ASTN2: variants seen among roughly 807,000 people sequenced by gnomAD.
ASTN2 encodes the protein astrotactin-2.
In ASTN2, 54 loss-of-function variants were observed where a neutral mutation model predicts 139.8. The ratio of observed to expected loss-of-function variants is 0.39; its 90% confidence interval spans 0.31 to 0.48. ASTN2 has a LOEUF of 0.48. Among genes scored for constraint, ASTN2 ranks in the 20% least tolerant of loss-of-function variants. ASTN2 has a pLI of 0.95. For missense variants in ASTN2, 1,565 were observed against 1,725.1 expected (o/e 0.91, Z 1.64); for synonymous variants, 756 against 719.5 (o/e 1.05, Z -0.81).
chr9:117,205,639 G>A (rs1166713978), intron 3 of ASTN2, among the ~76,000 whole-genome samples: 2 of 152,094 alleles, frequency 1.3e-5, no homozygotes, highest in Non-Finnish European at 2.9e-5. Flanking sequence ...AAGGAAAGAT[G>A]GGCCTCAGAG....
chr9:116,847,020 AAAAAAACAAAAAAC>A (rs1195960891), intron 11 of ASTN2, among the ~76,000 whole-genome samples: 1,718 of 134,864 alleles, frequency 0.013, 48 homozygotes, highest in African/African-American at 0.046. Context: ...AAAAAAAAAA[AAAAAAACAAAAAAC>A]AAAAAACAAA....
At chr9:117,186,627 A>G (rs184014766) in intron 3 of ASTN2, among the ~76,000 whole-genome samples, 1 of 152,336 alleles carries the variant, frequency 6.6e-6, no homozygotes, top group African/African-American at 2.4e-5. Context: ...CAATCATTTG[A>G]AATAGAAAGA....
At chr9:117,205,597 C>G (rs1225055201) in intron 3 of ASTN2, among the ~76,000 whole-genome samples, 1 of 152,062 alleles carries the variant, frequency 6.6e-6, no homozygotes, top group African/African-American at 2.4e-5. Context: ...TTAAAAAGCC[C>G]CCCGACTTTT....
intron 19 of ASTN2, among the ~76,000 whole-genome samples, chr9:116,609,339 T>TATAC (rs530916589): frequency 1.1e-4 from 15 of 140,356 alleles, no homozygotes; most frequent in African/African-American, 3.2e-4. Flanking sequence ...TATATATATA[T>TATAC]ACACACACAC....
chr9:116,782,910 G>A (rs1830258089), intron 13 of ASTN2, among the ~76,000 whole-genome samples: 2 of 152,068 alleles, frequency 1.3e-5, no homozygotes, highest in Admixed American at 1.3e-4. Flanking sequence ...ACACTGCACG[G>A]GTCAGTTTAT....
chr9:116,914,748 AGCAGTAATGGCACCTCCTAAG>A (rs1265024065), intron 10 of ASTN2, among the ~76,000 whole-genome samples: 3 of 152,120 alleles, frequency 2.0e-5, no homozygotes, highest in South Asian at 2.1e-4. Flanking sequence ...CAGCTGCCAC[AGCAGTAATGGCACCTCCTAAG>A]GCAGAGCACT....
rs962140935 is a variant in ASTN2 at position 117,372,216 on chromosome 9, C to T, written c.442+42281G>A. Among the ~76,000 whole-genome samples, 4 of 152,188 alleles carry T rather than the reference C, an allele frequency of 2.6e-5. No homozygotes were observed. The East Asian group carries it at 5.8e-4, about 22-fold the overall frequency. On this transcript the variant is annotated intron_variant, in intron 1 of 22. Coordinates refer to ENST00000313400, the MANE Select transcript of ASTN2 (RefSeq NM_001365068.1). ...TCAAAGGGTGATTATGTCCTTGGCACATTAGCCCTGCACCTGCCTCTTCCT... is the reference window on the plus strand; with the variant it reads ...TCAAAGGGTGATTATGTCCTTGGCATATTAGCCCTGCACCTGCCTCTTCCT...
At chr9:116,786,901 G>T (rs1830393440) in intron 13 of ASTN2, among the ~76,000 whole-genome samples, 1 of 152,136 alleles carries the variant, frequency 6.6e-6, no homozygotes, top group South Asian at 2.1e-4. Context: ...CCCCCATCCT[G>T]TTCTCATAAT....
chr9:117,071,386 G>GTGC (rs1828121594), intron 5 of ASTN2, among the ~76,000 whole-genome samples: 1 of 151,428 alleles, frequency 6.6e-6, no homozygotes, highest in East Asian at 1.9e-4. Flanking sequence ...CTCCAGCTGC[G>GTGC]TGCTGGGAGA....
chr9:117,350,661 T>C (rs1222873712), intron 1 of ASTN2, among the ~76,000 whole-genome samples: 2 of 152,224 alleles, frequency 1.3e-5, no homozygotes, highest in East Asian at 3.9e-4. Context: ...GAAAATGTGC[T>C]CAGAGCACTT....
chr9:116,565,413 ATATATATATATATATATT>A (rs1853169922), intron 19 of ASTN2, among the ~76,000 whole-genome samples: 1 of 108,580 alleles, frequency 9.2e-6, no homozygotes, highest in East Asian at 2.7e-4. Context: ...ATATATATAT[ATATATATATATATATATT>A]TATTTATTTA....
chr9:116,607,940 G>A (rs10983265), intron 19 of ASTN2, among the ~76,000 whole-genome samples: 25,347 of 152,148 alleles, frequency 0.17, 2,506 homozygotes, highest in Non-Finnish European at 0.23. Flanking sequence ...CAGCCTGGGC[G>A]ACAGAGCGAG....
intron 5 of ASTN2, among the ~76,000 whole-genome samples, chr9:117,043,070 C>G (rs1289269595): frequency 1.3e-5 from 2 of 152,068 alleles, no homozygotes; most frequent in African/African-American, 4.8e-5. Flanking sequence ...AGTGTTTCAC[C>G]ATGTTGGCCA....
intron 2 of ASTN2, among the ~76,000 whole-genome samples, chr9:117,278,682 A>T (rs1248423415): frequency 2.0e-5 from 3 of 152,204 alleles, no homozygotes; most frequent in Non-Finnish European, 2.9e-5. Context: ...AGGAAGGAAG[A>T]AAAAACAAGT....
intron 17 of ASTN2, 115 bp downstream of exon 17, chr9:116,651,413 T>G (rs1162483182): frequency 8.2e-7 from 1 of 1,213,608 alleles, no homozygotes; most frequent in Non-Finnish European, 1.2e-6. Context: ...GTAATCACCA[T>G]GATGATGATA....
At chr9:117,081,721 C>G (rs574062609) in intron 5 of ASTN2, among the ~76,000 whole-genome samples, 1,571 of 152,308 alleles carry the variant, frequency 0.01, 29 homozygotes, top group African/African-American at 0.036. Flanking sequence ...GTGTGATGAT[C>G]TCCTGCTGGC....
rs559683628 is a variant in ASTN2 at position 117,361,486 on chromosome 9, A to T, written c.442+53011T>A. 1.4e-4 allele frequency among the ~76,000 whole-genome samples: 22 copies of T among 152,268 alleles called. No homozygotes were observed. In the South Asian group the frequency reaches 4.6e-3, roughly 32 times the overall value. On this transcript the variant is annotated intron_variant, in intron 1 of 22. Coordinates refer to ENST00000313400, the MANE Select transcript of ASTN2 (RefSeq NM_001365068.1). ...TAAAGATACCATCACCACCTCAGGG[A>T]GTTGCTGTAAGAGTAAAACAAAACT... is the stretch of plus-strand genomic sequence containing the variant.
intron 10 of ASTN2, among the ~76,000 whole-genome samples, chr9:116,897,521 G>A (rs1833906707): frequency 6.6e-6 from 1 of 152,166 alleles, no homozygotes; most frequent in Admixed American, 6.5e-5. Context: ...ACACAAAGAT[G>A]TACATGCACT....
At chr9:117,288,834 G>A (rs191126219) in intron 2 of ASTN2, among the ~76,000 whole-genome samples, 1 of 152,174 alleles carries the variant, frequency 6.6e-6, no homozygotes, top group East Asian at 1.9e-4. Flanking sequence ...ATCCAACTAT[G>A]GAATAAAAGG....
Sources: gnomAD v4.1 joint callset for allele counts (sites outside exome capture counted in the v4.1 genomes callset) on GRCh38, gnomAD v4.1.1 for gene constraint, MANE v1.5 for transcripts, NCBI Gene and HGNC (gene_info 2026-07-23, HGNC 2026-07-21) for gene names.